Variants in ATRX observed in about 807,000 individuals in gnomAD.
ATRX encodes the protein ATRX chromatin remodeler.
Under a neutral mutation model 172.6 loss-of-function variants are expected in ATRX, and 12 were observed. The observed-to-expected ratio is 0.07, with a 90% CI of 0.04 to 0.11. The LOEUF (loss-of-function observed/expected upper bound fraction) is 0.11, where lower values mean the gene tolerates loss of function less well. Ranked by LOEUF, ATRX falls within the 10% of genes least tolerant of loss-of-function variation. The pLI, the probability that ATRX is intolerant of heterozygous loss-of-function variation, is 1.00. For missense variants in ATRX, 1,368 were observed against 1,767.4 expected (o/e 0.77, Z 4.05); for synonymous variants, 674 against 594.7 (o/e 1.13, Z -1.94).
chrX:77,714,008 G>A (rs951112272), intron 2 of ATRX, among the ~76,000 whole-genome samples: 1 of 111,517 alleles, frequency 9.0e-6, no homozygotes, highest in Non-Finnish European at 1.9e-5. Flanking sequence ...AATGTCTCCA[G>A]CTGGTAGCAG....
chrX:77,655,124 G>A (rs1382544997), intron 13 of ATRX, among the ~76,000 whole-genome samples: 1 of 111,027 alleles, frequency 9.0e-6, no homozygotes, highest in African/African-American at 3.3e-5. Context: ...GTGGTTGCCA[G>A]GGGCTTCAGG....
intron 14 of ATRX, among the ~76,000 whole-genome samples, chrX:77,652,794 G>A (rs1374785990): frequency 9.8e-5 from 10 of 102,320 alleles, no homozygotes; most frequent in Non-Finnish European, 1.4e-4. Context: ...GCGACAGAGC[G>A]AGACTCTGTC....
intron 28 of ATRX, among the ~76,000 whole-genome samples, chrX:77,565,208 A>G (rs1302131145): frequency 1.8e-5 from 2 of 112,049 alleles, no homozygotes; most frequent in African/African-American, 3.2e-5. Flanking sequence ...CTGAACTCCC[A>G]CTATCAACTG....
intron 34 of ATRX, among the ~76,000 whole-genome samples, chrX:77,509,928 T>G (rs2062815202): frequency 2.4e-5 from 2 of 81,800 alleles, no homozygotes; most frequent in Admixed American, 1.4e-4. Flanking sequence ...GGGGGGCACA[T>G]GACCTAGTGA....
intron 30 of ATRX, among the ~76,000 whole-genome samples, chrX:77,534,828 C>T (rs782466878): frequency 1.8e-5 from 2 of 110,961 alleles, no homozygotes; most frequent in South Asian, 7.6e-4. Context: ...ACAAAAATTC[C>T]CATCTAATTA....
At chrX:77,629,676 A>T (rs1311458810) in intron 19 of ATRX, among the ~76,000 whole-genome samples, 1 of 111,678 alleles carries the variant, frequency 9.0e-6, no homozygotes, top group Admixed American at 9.5e-5. Flanking sequence ...TATCAAAACA[A>T]ACAAAAAATA....
At chrX:77,748,338 A>G (rs1447603372) in intron 1 of ATRX, among the ~76,000 whole-genome samples, 2 of 111,062 alleles carry the variant, frequency 1.8e-5, no homozygotes, top group Non-Finnish European at 3.8e-5. Context: ...TGAACACACA[A>G]AGAACTCTGG....
chrX:77,566,191 C>A (rs2065191588), intron 28 of ATRX, among the ~76,000 whole-genome samples: 1 of 111,147 alleles, frequency 9.0e-6, no homozygotes, highest in Non-Finnish European at 1.9e-5. Context: ...CAGGATAAAC[C>A]CAAACAAATA....
intron 1 of ATRX, among the ~76,000 whole-genome samples, chrX:77,732,628 T>C (rs966552802): frequency 3.4e-4 from 38 of 112,077 alleles, no homozygotes; most frequent in African/African-American, 1.2e-3. Context: ...GATCAATATA[T>C]GCAAATCAAT....
At chrX:77,609,139 T>A (rs782288141) in intron 22 of ATRX, among the ~76,000 whole-genome samples, 1 of 111,766 alleles carries the variant, frequency 8.9e-6, no homozygotes, top group Non-Finnish European at 1.9e-5. Context: ...CTGTTGGGAA[T>A]GTAAATTAGT....
intron 34 of ATRX, among the ~76,000 whole-genome samples, chrX:77,520,436 C>T (rs1356745492): frequency 9.0e-6 from 1 of 110,595 alleles, no homozygotes; most frequent in Admixed American, 9.7e-5. Context: ...ATATATATAC[C>T]TATTATATAC....
intron 1 of ATRX, among the ~76,000 whole-genome samples, chrX:77,719,832 C>A (rs1419636078): frequency 2.7e-5 from 3 of 111,445 alleles, no homozygotes. Context: ...ACCAAGCAGA[C>A]CTAACAGACA....
intron 30 of ATRX, among the ~76,000 whole-genome samples, chrX:77,531,824 A>G (rs2063585533): frequency 8.9e-6 from 1 of 111,775 alleles, no homozygotes; most frequent in Non-Finnish European, 1.9e-5. Context: ...TTCAAATAGG[A>G]AGAGAGGAAG....
At chrX:77,720,372 A>G (rs2073686576) in intron 1 of ATRX, among the ~76,000 whole-genome samples, 1 of 111,930 alleles carries the variant, frequency 8.9e-6, no homozygotes. Flanking sequence ...AACCCTTCAA[A>G]CTATCAGTGA....
chrX:77,550,244 A>G (rs1457980204), intron 30 of ATRX, among the ~76,000 whole-genome samples: 2 of 111,912 alleles, frequency 1.8e-5, no homozygotes, highest in South Asian at 3.7e-4. Flanking sequence ...AAGTCTAGAT[A>G]AAAGTGCCAA....
intron 28 of ATRX, among the ~76,000 whole-genome samples, chrX:77,565,703 A>T (rs372454815): frequency 9.0e-6 from 1 of 111,079 alleles, no homozygotes; most frequent in African/African-American, 3.3e-5. Flanking sequence ...TAAAATTACA[A>T]AAGTTAGCTG....
intron 28 of ATRX, among the ~76,000 whole-genome samples, chrX:77,563,955 C>A (rs1274708430): frequency 9.1e-6 from 1 of 110,425 alleles, no homozygotes; most frequent in African/African-American, 3.3e-5. Flanking sequence ...TTACCAATCT[C>A]CAAGGGCTCG....
chrX:77,777,191 TAAAAAA>T (rs782165810), intron 1 of ATRX, among the ~76,000 whole-genome samples: 4 of 21,041 alleles, frequency 1.9e-4, no homozygotes, highest in Admixed American at 1.7e-3. Context: ...CTGTCTCTAC[TAAAAAA>T]AAAAAAAAAA....
chrX:77,702,797 G>A (rs141223273), intron 2 of ATRX, among the ~76,000 whole-genome samples: 3,324 of 111,029 alleles, frequency 0.03, 64 homozygotes, highest in East Asian at 0.086. Context: ...TGCAATTATA[G>A]CTCACTGCCG....
Sources: allele counts gnomAD v4.1 joint callset (sites outside exome capture counted in the v4.1 genomes callset), GRCh38; gene constraint gnomAD v4.1.1; transcripts MANE v1.5; gene names NCBI Gene and HGNC (gene_info 2026-07-23, HGNC 2026-07-21).